ERBIN: variants seen among roughly 807,000 people sequenced by gnomAD.
ERBIN encodes the protein erbb2 interacting protein.
ERBIN carries 60 observed loss-of-function variants against 158.4 expected under a neutral mutation model. The ratio of observed to expected loss-of-function variants is 0.38; its 90% CI spans 0.31 to 0.47. The LOEUF (loss-of-function observed/expected upper bound fraction) is 0.47, where lower values mean the gene tolerates loss of function less well. ERBIN is among the 20% of genes least tolerant of loss of function. The pLI, the probability that ERBIN is intolerant of heterozygous loss-of-function variation, is 0.99. For synonymous variants in ERBIN, 594 were observed against 557.2 expected, an observed-to-expected ratio of 1.07 and a Z score of -0.93; for missense variants, 1,610 against 1,648.0, an observed-to-expected ratio of 0.98 and a Z score of 0.40.
At chr5:66,030,410 A>G (rs192802474) in intron 14 of ERBIN, among the ~76,000 whole-genome samples, 19 of 152,132 alleles carry the variant, frequency 1.2e-4, no homozygotes, top group African/African-American at 4.1e-4. Context: ...TCTTAATTGA[A>G]TAGTATATGT....
At chr5:66,026,482 TATG>T in intron 13 of ERBIN, 65 bp downstream of exon 13, 2 of 846,582 alleles carry the variant, frequency 2.4e-6, no homozygotes, top group Non-Finnish European at 3.7e-6. Context: ...TTAAGTTTCA[TATG>T]ATATATAATA....
At chr5:65,940,518 G>T (rs1377321243) in intron 1 of ERBIN, among the ~76,000 whole-genome samples, 2 of 131,798 alleles carry the variant, frequency 1.5e-5, no homozygotes, top group Non-Finnish European at 3.2e-5. Flanking sequence ...GAGGGAGGTG[G>T]GGGGGGTCAG....
At chr5:66,018,499 A>T (rs7704391) in intron 7 of ERBIN, among the ~76,000 whole-genome samples, 506 of 6,404 alleles carry the variant, frequency 0.079, 150 homozygotes, top group Non-Finnish European at 0.11. Context: ...ATATTATATA[A>T]TATATATTAT....
rs1761577567 is a variant in ERBIN, at chr5:66,072,018, T to C, written c.3634-151T>C. ...CTTTGGAAGAAGTGAAAGATACTAA[T>C]TGATGGCAGTAATGATGGCAGTGTT... On this transcript the variant is annotated intron_variant, in intron 21 of 25. Transcript: ENST00000284037. 36 of 656,022 alleles carry C rather than the reference T, an allele frequency of 5.5e-5. No individual in the cohort carries two copies. In the South Asian group the frequency reaches 6.9e-4, roughly 13 times the overall value. 40.6% of individuals were successfully genotyped at this position (656,022 alleles called of 1,614,324 possible). A position where few individuals can be genotyped will look rare whatever the true frequency, so the allele number is the denominator to read the frequency against.
rs779027324 is a variant in ERBIN, at chr5:65,994,829, T to G, written c.272T>G (p.Leu91Arg). 1 of 1,608,210 alleles carries G rather than the reference T, an allele frequency of 6.2e-7. No homozygotes were observed. The highest frequency in any genetic ancestry group is 1.1e-5 in the South Asian group (1 of 89,396). Residue 91 changes from leucine (L) to arginine (R), a missense_variant, in exon 4 of 26, where the codon CTT becomes CGT. Around this residue, in one of 2 missense-constraint regions of ERBIN, gnomAD observed 596 missense variants for 711.9 expected, o/e 0.84. Coordinates refer to ENST00000284037, the MANE Select transcript of ERBIN (RefSeq NM_001253697.2). The stretch of plus-strand genomic sequence containing the variant: ...ACGTTACCAGCATCCATTGCAAACC[T>G]TATTAATCTCAGGGAACTGGATGTC... ...LTTLPASIANLINLRELDVSK... is the reference protein window; with the variant it reads ...LTTLPASIANRINLRELDVSK...
chr5:65,927,097 AGCACAGGG>A (rs2150818322), intron 1 of ERBIN, among the ~76,000 whole-genome samples: 1 of 151,652 alleles, frequency 6.6e-6, no homozygotes, highest in South Asian at 2.1e-4. Flanking sequence ...GCCTTTGTTC[AGCACAGGG>A]GCCAGAAGTT....
rs1183678433 is a variant in ERBIN, at chr5:66,076,373, G to A, written c.4021G>A (p.Gly1341Arg). The change falls in exon 24 of 26, where the codon GGG (glycine) becomes AGG (arginine). Residue 1341 changes from glycine to arginine, a missense_variant. Physicochemically the swap from Gly to Arg is moderately radical, Grantham distance 125 (BLOSUM62 -2). Around this residue, in one of 2 missense-constraint regions of ERBIN, gnomAD observed 1,014 missense variants for 936.1 expected, o/e 1.08. Transcript: ENST00000284037. The part of the protein sequence containing the change: ...ELGFSISGGV[G>R]GRGNPFRPDD... The stretch of plus-strand genomic sequence containing the variant: ...TGGATTTAGCATATCAGGTGGTGTC[G>A]GGGGTAGAGGAAACCCATTCAGACC... 4.3e-6 allele frequency: 7 copies of A among 1,613,442 alleles called. No individual in the cohort carries two copies. The highest frequency in any genetic ancestry group is 1.7e-4 in the Middle Eastern group (1 of 6,056).
chr5:65,955,394 C>T (rs1188753915), intron 1 of ERBIN, among the ~76,000 whole-genome samples: 1 of 152,090 alleles, frequency 6.6e-6, no homozygotes, highest in East Asian at 1.9e-4. Context: ...CTTTGGGAGG[C>T]CGAGGTGTGC....
chr5:65,991,948 G>A (rs1751909017), intron 2 of ERBIN, among the ~76,000 whole-genome samples: 1 of 152,142 alleles, frequency 6.6e-6, no homozygotes, highest in Non-Finnish European at 1.5e-5. Context: ...TCATAGGAAG[G>A]TTATAGGGTG....
chr5:65,981,894 T>C (rs530213620), intron 1 of ERBIN, among the ~76,000 whole-genome samples: 1 of 152,298 alleles, frequency 6.6e-6, no homozygotes, highest in East Asian at 1.9e-4. Context: ...TGCATTGAGT[T>C]GATGTAAACA....
rs1315501309 is a variant in ERBIN, at chr5:66,050,928, A to T, written c.2049A>T (p.Pro683=). Reference sequence around the variant, plus strand: ...GTCAAGACACCTCACTCTGCTCTCCAGTGAAACAAACTCATATTGATATTA... The same window carrying T: ...GTCAAGACACCTCACTCTGCTCTCCTGTGAAACAAACTCATATTGATATTA... The part of the protein sequence containing the change: ...DSSQDTSLCS[P]VKQTHIDINS... The change falls in exon 20 of 26, where the codon CCA becomes CCT. Residue 683 remains proline, a synonymous_variant. Coordinates refer to ENST00000284037, the MANE Select transcript of ERBIN (RefSeq NM_001253697.2). 6.2e-7 allele frequency: 1 copy of T among 1,605,644 alleles called. No homozygotes were observed. Among genetic ancestry groups the T allele is most frequent in the Non-Finnish European group, 8.5e-7 (1 of 1,177,868 alleles).
chr5:65,955,910 A>G (rs975672503), intron 1 of ERBIN, among the ~76,000 whole-genome samples: 2 of 152,248 alleles, frequency 1.3e-5, no homozygotes, highest in African/African-American at 4.8e-5. Context: ...TGCACCATCC[A>G]GGGCAAGATA....
chr5:66,072,432 T>C (rs963257000), intron 22 of ERBIN, 141 bp downstream of exon 22: 4 of 815,568 alleles, frequency 4.9e-6, no homozygotes, highest in Non-Finnish European at 7.2e-6. Context: ...TTTTAAAATA[T>C]CAGAAATACA....
At chr5:65,965,379 GTT>G (rs1748457130) in intron 1 of ERBIN, among the ~76,000 whole-genome samples, 2 of 103,666 alleles carry the variant, frequency 1.9e-5, no homozygotes, top group African/African-American at 7.4e-5. Flanking sequence ...TTTGTTTTTT[GTT>G]GTTTTTTTTT....
At chr5:66,074,946 A>G (rs1010719534) in intron 22 of ERBIN, 78 bp from the exon 23 acceptor site, 6 of 1,312,040 alleles carry the variant, frequency 4.6e-6, no homozygotes, top group Middle Eastern at 2.0e-4. Flanking sequence ...TGCTTTTGTA[A>G]TGCTCCAAGA....
Position 66,081,606 on chromosome 5 carries a change from T to A in ERBIN, c.*3076T>A, listed in dbSNP as rs1407334878. 6.6e-6 allele frequency: 1 copy of A among 152,090 alleles called. No individual in the cohort carries two copies. Among genetic ancestry groups the A allele is most frequent in the Non-Finnish European group, 1.5e-5 (1 of 67,962 alleles). The allele number at this position is 152,090 out of a possible 1,614,324, so 9.4% of individuals were successfully genotyped here. A position where few individuals can be genotyped will look rare whatever the true frequency, so the allele number is the denominator to read the frequency against. ...GTTAGAGAAATTCTCATGAAAAATA[T>A]ACAATTTTTTTTTAGCATTAAAACC... On this transcript the variant is annotated 3_prime_UTR_variant, in exon 26 of 26. Coordinates refer to ENST00000284037, the MANE Select transcript of ERBIN (RefSeq NM_001253697.2).
At position 66,059,572 on chromosome 5, in the gene ERBIN, A is replaced by G. The variant is rs535001853; in HGVS notation, c.3633+4621A>G. On this transcript the variant is annotated intron_variant, in intron 21 of 25. Coordinates refer to ENST00000284037, the MANE Select transcript of ERBIN (RefSeq NM_001253697.2). ...TACCCTGGCCAGAATTTCCAACACT[A>G]TGTTGAATAGGAGTGGTGAGAGAGG... Among the ~76,000 whole-genome samples the G allele has an allele frequency of 9.9e-5, 15 of 152,256 alleles. No homozygotes were observed. In the East Asian group the frequency reaches 1.9e-3, roughly 20 times the overall value.
chr5:65,942,981 G>C (rs1299562285), intron 1 of ERBIN, among the ~76,000 whole-genome samples: 1 of 151,624 alleles, frequency 6.6e-6, no homozygotes, highest in South Asian at 2.1e-4. Context: ...ATTAAGAAGT[G>C]TAAAAAATTC....
intron 23 of ERBIN, among the ~76,000 whole-genome samples, chr5:66,075,627 GTACTT>G (rs1445521738): frequency 6.6e-6 from 1 of 152,070 alleles, no homozygotes; most frequent in Non-Finnish European, 1.5e-5. Context: ...ATCTTAAAAA[GTACTT>G]TAAAAGTCAG....
Sources: allele counts gnomAD v4.1 joint callset (sites outside exome capture counted in the v4.1 genomes callset), GRCh38; gene constraint gnomAD v4.1.1; regional missense constraint gnomAD v4.1.1; transcripts MANE v1.5; gene names NCBI Gene and HGNC (gene_info 2026-07-23, HGNC 2026-07-21).